EIF3E: variants seen among roughly 807,000 people sequenced by gnomAD.
EIF3E encodes eukaryotic translation initiation factor 3 subunit E, also known as eIF-3 p48.
In EIF3E, 25 loss-of-function variants were observed where a neutral mutation model predicts 59.3. The observed-to-expected ratio is 0.42, with a 90% CI of 0.31 to 0.59. EIF3E has a LOEUF of 0.59. EIF3E is among the 20% of genes least tolerant of loss of function. The pLI is 0.15. For missense variants in EIF3E, 317 were observed against 534.3 expected (o/e 0.59, Z 4.01); for synonymous variants, 176 against 170.2 (o/e 1.03, Z -0.26).
intron 1 of EIF3E, among the ~76,000 whole-genome samples, chr8:108,246,327 A>C (rs1815949109): frequency 6.7e-6 from 1 of 149,576 alleles, no homozygotes. Flanking sequence ...AGGATCACTG[A>C]CTCTATTCTA....
At chr8:108,224,497 A>T (rs1815482707) in intron 7 of EIF3E, among the ~76,000 whole-genome samples, 1 of 151,554 alleles carries the variant, frequency 6.6e-6, no homozygotes, top group Non-Finnish European at 1.5e-5. Flanking sequence ...TCAACTGGGT[A>T]TATTTCCATT....
At chr8:108,243,638 G>GAAAAAAAAAAAA (rs779684560) in intron 1 of EIF3E, among the ~76,000 whole-genome samples, 7 of 70,958 alleles carry the variant, frequency 9.9e-5, no homozygotes, top group African/African-American at 1.9e-4. Context: ...CAAAAAAAAA[G>GAAAAAAAAAAAA]AAAAAAAAAA....
chr8:108,228,168 C>G, intron 7 of EIF3E, 99 bp downstream of exon 7: 2 of 1,282,970 alleles, frequency 1.6e-6, no homozygotes, highest in Non-Finnish European at 1.0e-6. Context: ...AAACAGGTGA[C>G]AACAAATTCA....
intron 7 of EIF3E, chr8:108,227,779 A>T (rs1263223278): frequency 2.6e-5 from 4 of 152,228 alleles, no homozygotes; most frequent in African/African-American, 9.7e-5. Flanking sequence ...AATTTTACAA[A>T]TAATTTCTAG....
chr8:108,218,915 T>G (rs934057104), intron 7 of EIF3E, among the ~76,000 whole-genome samples: 3 of 151,560 alleles, frequency 2.0e-5, no homozygotes, highest in African/African-American at 7.3e-5. Flanking sequence ...TCCCGAGTAG[T>G]TGGAACTACA....
intron 9 of EIF3E, 145 bp downstream of exon 9, chr8:108,216,265 CAT>C (rs1815302580): frequency 1.7e-6 from 1 of 598,640 alleles, no homozygotes; most frequent in African/African-American, 1.9e-5. Flanking sequence ...GGTTAATAAA[CAT>C]GAGCCATTTA....
chr8:108,219,630 C>A (rs780195646), intron 7 of EIF3E, among the ~76,000 whole-genome samples: 1 of 152,096 alleles, frequency 6.6e-6, no homozygotes, highest in Non-Finnish European at 1.5e-5. Context: ...AATCCCAACC[C>A]TTTGGGAGGC....
intron 10 of EIF3E, among the ~76,000 whole-genome samples, chr8:108,213,989 C>A (rs1035693306): frequency 1.3e-5 from 2 of 152,224 alleles, no homozygotes; most frequent in African/African-American, 4.8e-5. Flanking sequence ...TTGACTTCCT[C>A]TGTGCCCAAA....
chr8:108,242,165 T>C, intron 1 of EIF3E: 3 of 1,365,206 alleles, frequency 2.2e-6, no homozygotes, highest in Non-Finnish European at 2.9e-6. Flanking sequence ...CTACTTCTGA[T>C]TTACATGACC....
chr8:108,243,638 G>GAAAAAAAAAAAAAAAAAAAAAAAA (rs779684560), intron 1 of EIF3E, among the ~76,000 whole-genome samples: 1 of 70,976 alleles, frequency 1.4e-5, no homozygotes, highest in Non-Finnish European at 2.8e-5. Flanking sequence ...CAAAAAAAAA[G>GAAAAAAAAAAAAAAAAAAAAAAAA]AAAAAAAAAA....
chr8:108,214,820 G>T (rs1214875790), intron 9 of EIF3E, 104 bp from the exon 10 acceptor site: 3 of 968,926 alleles, frequency 3.1e-6, no homozygotes, highest in Non-Finnish European at 4.7e-6. Context: ...ACAATCATGA[G>T]TTTTATACCA....
chr8:108,232,996 T>C (rs914584617), intron 5 of EIF3E, among the ~76,000 whole-genome samples: 2 of 152,240 alleles, frequency 1.3e-5, no homozygotes, highest in African/African-American at 4.8e-5. Context: ...ACCAGGCTTC[T>C]GATTTTACAA....
Position 108,203,419 on chromosome 8 carries a change from G to A in EIF3E, c.1146C>T (p.Ala382=). 6.2e-7 allele frequency: 1 copy of A among 1,611,546 alleles called. No homozygotes were observed. Among genetic ancestry groups the A allele is most frequent in the Non-Finnish European group, 8.5e-7 (1 of 1,178,540 alleles). Residue 382 remains alanine, a synonymous_variant, in exon 11 of 13, where the codon GCC becomes GCT. Coordinates refer to ENST00000220849, the MANE Select transcript of EIF3E (RefSeq NM_001568.3). ...TACTCACTAATTTAGAATCAATCTTGGCATCCAGTCTTGCATTTCTAATCA... is the reference window on the plus strand; with the variant it reads ...TACTCACTAATTTAGAATCAATCTTAGCATCCAGTCTTGCATTTCTAATCA... The part of the protein sequence containing the change: ...VNLIRNARLD[A]KIDSKLGHVV...
At chr8:108,248,293 T>C (rs943309668) in intron 1 of EIF3E, among the ~76,000 whole-genome samples, 62 of 151,496 alleles carry the variant, frequency 4.1e-4, no homozygotes, top group African/African-American at 1.5e-3. Context: ...CCTGTGAAGC[T>C]CTAACGTTCT....
intron 9 of EIF3E, among the ~76,000 whole-genome samples, chr8:108,215,596 C>T (rs747249729): frequency 3.3e-5 from 5 of 151,832 alleles, no homozygotes; most frequent in Admixed American, 6.6e-5. Context: ...CCAGCCTCGG[C>T]AACAGAGTGA....
intron 10 of EIF3E, among the ~76,000 whole-genome samples, chr8:108,206,547 G>A (rs759386583): frequency 6.6e-6 from 1 of 151,970 alleles, no homozygotes; most frequent in Non-Finnish European, 1.5e-5. Flanking sequence ...GAGGCCAGAA[G>A]TCTGAGACCA....
intron 6 of EIF3E, 60 bp downstream of exon 6, chr8:108,229,010 C>T: frequency 2.8e-6 from 4 of 1,430,640 alleles, no homozygotes; most frequent in South Asian, 1.7e-5. Flanking sequence ...TTTTCCTCAT[C>T]AGAAAGTGTG....
intron 10 of EIF3E, among the ~76,000 whole-genome samples, chr8:108,207,727 GAC>G (rs1310729488): frequency 6.6e-6 from 1 of 152,078 alleles, no homozygotes. Context: ...CTGCTCAACT[GAC>G]ACACACACAA....
chr8:108,208,056 C>T (rs1348939416), intron 10 of EIF3E, among the ~76,000 whole-genome samples: 1 of 152,100 alleles, frequency 6.6e-6, no homozygotes, highest in Non-Finnish European at 1.5e-5. Context: ...TGTATCAACT[C>T]TAGATTTTCT....
Sources: gnomAD v4.1 joint callset for allele counts (sites outside exome capture counted in the v4.1 genomes callset) on GRCh38, gnomAD v4.1.1 for gene constraint, MANE v1.5 for transcripts, NCBI Gene and HGNC (gene_info 2026-07-23, HGNC 2026-07-21) for gene names.